PKHD1: variants seen among roughly 807,000 people sequenced by gnomAD.
The protein encoded by PKHD1 is PKHD1 ciliary IPT domain containing fibrocystin/polyductin.
A neutral mutation model predicts 412.0 loss-of-function variants in PKHD1; 291 were observed. The ratio of observed to expected loss-of-function variants is 0.71; its 90% CI spans 0.64 to 0.78. The LOEUF (loss-of-function observed/expected upper bound fraction) is 0.78. PKHD1 is among the 30% of genes least tolerant of loss of function. The probability of loss-of-function intolerance (pLI) is 0.00; values close to 1 mark genes in which losing one functional copy is unlikely to be tolerated. For missense variants in PKHD1, 4,825 were observed against 4,950.7 expected (o/e 0.97, Z 0.76); for synonymous variants, 1,777 against 1,821.5 (o/e 0.98, Z 0.62).
At chr6:51,756,738 T>G (rs1362489914) in intron 55 of PKHD1, among the ~76,000 whole-genome samples, 1 of 152,176 alleles carries the variant, frequency 6.6e-6, no homozygotes, top group Non-Finnish European at 1.5e-5. Flanking sequence ...CACTTAAATC[T>G]CAATTTTCTA....
intron 60 of PKHD1, among the ~76,000 whole-genome samples, chr6:51,676,589 A>G (rs1775891729): frequency 6.8e-6 from 1 of 147,792 alleles, no homozygotes; most frequent in Non-Finnish European, 1.5e-5. Context: ...TTTGTGGCAA[A>G]CAACATTTAT....
At chr6:51,991,644 C>T in intron 35 of PKHD1, among the ~76,000 whole-genome samples, 1 of 151,990 alleles carries the variant, frequency 6.6e-6, no homozygotes, top group East Asian at 1.9e-4. Context: ...CTTAAATAGG[C>T]TAATTGTGAT....
intron 60 of PKHD1, among the ~76,000 whole-genome samples, chr6:51,711,232 A>G (rs1780624044): frequency 6.6e-6 from 1 of 152,200 alleles, no homozygotes; most frequent in African/African-American, 2.4e-5. Flanking sequence ...AGAAAGCCTC[A>G]CAAGATCAGT....
At chr6:52,032,346 A>AATTACATGATAATAAATTATT (rs1280343986) in intron 29 of PKHD1, among the ~76,000 whole-genome samples, 2 of 152,180 alleles carry the variant, frequency 1.3e-5, no homozygotes, top group African/African-American at 2.4e-5. Flanking sequence ...ATCTATATGG[A>AATTACATGATAATAAATTATT]ATTACATGAT....
chr6:52,078,208 C>T (rs1309140574), intron 5 of PKHD1, among the ~76,000 whole-genome samples: 1 of 152,144 alleles, frequency 6.6e-6, no homozygotes, highest in Non-Finnish European at 1.5e-5. Context: ...TTGTGATTCT[C>T]TCTGAGCTGA....
At chr6:51,619,672 T>C in intron 66 of PKHD1, 152 bp from the exon 67 acceptor site, 1 of 654,566 alleles carries the variant, frequency 1.5e-6, no homozygotes, top group Non-Finnish European at 2.6e-6. Flanking sequence ...TATCAGACAC[T>C]CCAAATATGT....
chr6:52,035,117 G>T (rs1803730490), intron 28 of PKHD1, among the ~76,000 whole-genome samples: 1 of 152,162 alleles, frequency 6.6e-6, no homozygotes, highest in South Asian at 2.1e-4. Context: ...GGAAAAGGAA[G>T]CAATGGAGAA....
At chr6:51,658,265 T>C (rs1050730439) in intron 61 of PKHD1, among the ~76,000 whole-genome samples, 1 of 152,094 alleles carries the variant, frequency 6.6e-6, no homozygotes, top group Non-Finnish European at 1.5e-5. Flanking sequence ...TTGCTTGCAT[T>C]TTTTCTCATC....
chr6:51,936,915 GTC>G (rs1213690198), intron 36 of PKHD1, among the ~76,000 whole-genome samples: 2 of 152,188 alleles, frequency 1.3e-5, no homozygotes, highest in African/African-American at 4.8e-5. Flanking sequence ...CTGCAAAGCT[GTC>G]TCTTGTGGGG....
intron 49 of PKHD1, among the ~76,000 whole-genome samples, chr6:51,848,298 TA>T (rs1771579514): frequency 6.6e-6 from 1 of 152,180 alleles, no homozygotes; most frequent in South Asian, 2.1e-4. Flanking sequence ...GTCAAACAGC[TA>T]GAAGAGACAA....
chr6:51,621,642 G>A (rs1766631102), intron 66 of PKHD1, among the ~76,000 whole-genome samples: 1 of 152,092 alleles, frequency 6.6e-6, no homozygotes, highest in South Asian at 2.1e-4. Flanking sequence ...TATTTACATG[G>A]CAGCTCCAAT....
rs1323863180 is a variant in PKHD1, at chr6:52,048,378, T to C, written c.2407+114A>G. On this transcript the variant is annotated intron_variant, in intron 23 of 66. Transcript: ENST00000371117. ...TCACTTTCAGACACTGGAAAATAAA[T>C]AAAATAGCTTTAATATTATCACCTG... 3.7e-6 allele frequency: 4 copies of C among 1,083,254 alleles called. No individual in the cohort carries two copies. In the African/African-American group the frequency reaches 4.6e-5, roughly 12 times the overall value. 67.1% of individuals were successfully genotyped at this position (1,083,254 alleles called of 1,614,324 possible).
chr6:51,677,016 C>T (rs1274248713), intron 60 of PKHD1, among the ~76,000 whole-genome samples: 1 of 152,000 alleles, frequency 6.6e-6, no homozygotes, highest in East Asian at 1.9e-4. Flanking sequence ...ATTAGAGCTA[C>T]TTAAAGTCTA....
rs1371469170 is a variant in PKHD1, at chr6:52,031,208, A to C, written c.3364+1822T>G. 2.0e-5 allele frequency among the ~76,000 whole-genome samples: 3 copies of C among 152,218 alleles called. No individual in the cohort carries two copies. In the East Asian group the frequency reaches 5.8e-4, roughly 29 times the overall value. Reference sequence around the variant, plus strand: ...GAAGGAACTGAAGATAAAAGAAGTTAAATATCTTACCCAAGGAGTATGGTA... The same window carrying C: ...GAAGGAACTGAAGATAAAAGAAGTTCAATATCTTACCCAAGGAGTATGGTA... On this transcript the variant is annotated intron_variant, in intron 29 of 66. Transcript: ENST00000371117.
chr6:51,618,728 G>T lies in PKHD1; in HGVS notation c.*353C>A, dbSNP rs867644529. 1 of 354,238 alleles carries T rather than the reference G, an allele frequency of 2.8e-6. No individual in the cohort carries two copies. The allele number at this position is 354,238 out of a possible 1,614,324, so 21.9% of individuals were successfully genotyped here. A position where few individuals can be genotyped will look rare whatever the true frequency, so the allele number is the denominator to read the frequency against. On this transcript the variant is annotated 3_prime_UTR_variant, in exon 67 of 67. Transcript: ENST00000371117. ...ATAAAAGAAGCTCAAAGCATTGTGGGTGGTCAATCCAGAGAATGCTTAATA... is the reference window on the plus strand; with the variant it reads ...ATAAAAGAAGCTCAAAGCATTGTGGTTGGTCAATCCAGAGAATGCTTAATA...
At chr6:51,857,762 AC>A (rs1210017965) in intron 48 of PKHD1, among the ~76,000 whole-genome samples, 1 of 151,958 alleles carries the variant, frequency 6.6e-6, no homozygotes, top group Non-Finnish European at 1.5e-5. Flanking sequence ...CATACCAAAA[AC>A]CCTTCCATGG....
intron 60 of PKHD1, among the ~76,000 whole-genome samples, chr6:51,744,102 C>T (rs995288990): frequency 5.9e-5 from 9 of 152,194 alleles, no homozygotes; most frequent in South Asian, 2.1e-4. Context: ...CCAAGCTGGG[C>T]GAGAACTGTC....
rs1810807659 is a variant in PKHD1 at position 52,072,701 on chromosome 6, G to A, written c.528-512C>T. Among the ~76,000 whole-genome samples, 3 of 152,288 alleles carry A rather than the reference G, an allele frequency of 2.0e-5. No individual in the cohort carries two copies. In the South Asian group the frequency reaches 6.2e-4, roughly 32 times the overall value. ...TCTTCAACTAGGGCAAAATCAGACA[G>A]ATGGAGTAGAACAGAAGAGGATGCC... is the stretch of plus-strand genomic sequence containing the variant. On this transcript the variant is annotated intron_variant, in intron 7 of 66. Transcript: ENST00000371117.
intron 43 of PKHD1, among the ~76,000 whole-genome samples, chr6:51,901,173 TAA>T (rs767646502): frequency 6.6e-6 from 1 of 152,286 alleles, no homozygotes; most frequent in African/African-American, 2.4e-5. Context: ...ACTGGGTATA[TAA>T]ACCCAAAGGA....
Sources: allele counts gnomAD v4.1 joint callset (sites outside exome capture counted in the v4.1 genomes callset), GRCh38; gene constraint gnomAD v4.1.1; transcripts MANE v1.5; gene names NCBI Gene and HGNC (gene_info 2026-07-23, HGNC 2026-07-21).